ANKRD36C: variants seen among roughly 807,000 people sequenced by gnomAD.
ANKRD36C encodes ankyrin repeat domain 36C, also known as ankyrin repeat domain-containing protein 36C.
In ANKRD36C, 61 loss-of-function variants were observed where a neutral mutation model predicts 276.4. That is an observed-to-expected ratio of 0.22 (90% CI 0.18 to 0.27). ANKRD36C has a LOEUF of 0.27. Ranked by LOEUF, ANKRD36C falls within the 10% of genes least tolerant of loss-of-function variation. The probability of loss-of-function intolerance (pLI) is 1.00; values close to 1 mark genes in which losing one functional copy is unlikely to be tolerated. For missense variants in ANKRD36C, 1,447 were observed against 2,032.3 expected (o/e 0.71, Z 5.54); for synonymous variants, 483 against 680.1 (o/e 0.71, Z 4.51).
chr2:95,859,454 A>C (rs1306292763), intron 61 of ANKRD36C, among the ~76,000 whole-genome samples: 1 of 152,222 alleles, frequency 6.6e-6, no homozygotes, highest in Non-Finnish European at 1.5e-5. Context: ...AAAGATCTAA[A>C]ACAGATCTAA....
chr2:95,987,197 T>A (rs546854548), exon 2 of ANKRD36C: 2 of 1,546,906 alleles, frequency 1.3e-6, no homozygotes. Flanking sequence ...AGGCCAAATG[T>A]AGGGCGGTCC....
chr2:95,927,544 C>G, intron 26 of ANKRD36C, 135 bp from the exon 27 acceptor site: 2 of 1,405,370 alleles, frequency 1.4e-6, no homozygotes, highest in African/African-American at 2.9e-5. Flanking sequence ...TACTTTTTGT[C>G]TGGAGACTGG....
chr2:95,886,863 T>C (rs905127733), intron 50 of ANKRD36C, among the ~76,000 whole-genome samples: 34 of 151,680 alleles, frequency 2.2e-4, no homozygotes, highest in African/African-American at 8.2e-4. Flanking sequence ...TTGTATTCTC[T>C]AGTTTAGCCT....
At chr2:95,972,724 A>G in intron 6 of ANKRD36C, among the ~76,000 whole-genome samples, 1 of 152,236 alleles carries the variant, frequency 6.6e-6, no homozygotes, top group Non-Finnish European at 1.5e-5. Context: ...GTTCTCCTTA[A>G]CAGTTGCCTT....
intron 22 of ANKRD36C, among the ~76,000 whole-genome samples, chr2:95,938,428 T>C (rs1163966798): frequency 2.0e-5 from 3 of 151,354 alleles, no homozygotes; most frequent in African/African-American, 7.3e-5. Context: ...GTAACAACAC[T>C]GACATAAAGT....
At chr2:95,890,262 T>C (rs528160585) in intron 46 of ANKRD36C, among the ~76,000 whole-genome samples, 5 of 151,632 alleles carry the variant, frequency 3.3e-5, no homozygotes, top group African/African-American at 1.2e-4. Context: ...AATATCAATG[T>C]CGATATGCCG....
chr2:95,902,821 T>C, intron 42 of ANKRD36C, 65 bp downstream of exon 54: 1 of 1,488,416 alleles, frequency 6.7e-7, no homozygotes, highest in South Asian at 1.2e-5. Flanking sequence ...CGCTGATTTA[T>C]TCACGGAAGA....
chr2:95,983,002 T>C (rs1043227642), intron 3 of ANKRD36C, among the ~76,000 whole-genome samples: 1 of 151,710 alleles, frequency 6.6e-6, no homozygotes. Flanking sequence ...ATTTGAGAAA[T>C]GAGTTTCAGG....
At chr2:95,984,564 C>T (rs1474569786) in intron 3 of ANKRD36C, among the ~76,000 whole-genome samples, 1 of 152,140 alleles carries the variant, frequency 6.6e-6, no homozygotes, top group Non-Finnish European at 1.5e-5. Flanking sequence ...TAAAATACTT[C>T]CTTTCTTTAG....
At chr2:95,979,914 G>C (rs141644602) in intron 5 of ANKRD36C, among the ~76,000 whole-genome samples, 3,979 of 151,932 alleles carry the variant, frequency 0.026, 189 homozygotes, top group African/African-American at 0.092. Flanking sequence ...GAATATCCAG[G>C]TAACAGAGCA....
chr2:95,895,694 A>T, intron 44 of ANKRD36C, 104 bp from the exon 61 acceptor site: 1 of 1,535,196 alleles, frequency 6.5e-7, no homozygotes. Context: ...TGCCTGTATT[A>T]GTGGAGGCTT....
At chr2:95,949,093 T>G (rs1188589701) in intron 16 of ANKRD36C, among the ~76,000 whole-genome samples, 1 of 152,120 alleles carries the variant, frequency 6.6e-6, no homozygotes, top group African/African-American at 2.4e-5. Flanking sequence ...TCTTAGATCT[T>G]CAGCATGTAA....
intron 36 of ANKRD36C, 118 bp downstream of exon 38, chr2:95,917,737 G>A (rs1237048570): frequency 9.9e-6 from 13 of 1,307,172 alleles, no homozygotes; most frequent in East Asian, 2.5e-5. Flanking sequence ...AGGACTGCTG[G>A]ATCAGAATGT....
At chr2:95,956,873 T>C in intron 12 of ANKRD36C, 57 bp from the exon 13 acceptor site, 1 of 1,448,614 alleles carries the variant, frequency 6.9e-7, no homozygotes, top group Non-Finnish European at 9.3e-7. Context: ...TATAAAATAT[T>C]AAAAACATAA....
intron 42 of ANKRD36C, among the ~76,000 whole-genome samples, chr2:95,902,242 A>G (rs1406934623): frequency 6.7e-6 from 1 of 149,290 alleles, no homozygotes; most frequent in Non-Finnish European, 1.5e-5. Context: ...GTAATGAGTC[A>G]GTGTGGTGGT....
At chr2:95,893,297 G>T (rs1213908358) in intron 44 of ANKRD36C, among the ~76,000 whole-genome samples, 3 of 150,968 alleles carry the variant, frequency 2.0e-5, no homozygotes, top group African/African-American at 7.3e-5. Flanking sequence ...GTCTTCAACT[G>T]CTCTCCATAT....
chr2:95,962,180 T>C (rs1177785364), intron 8 of ANKRD36C, among the ~76,000 whole-genome samples, 172 bp downstream of exon 8: 4 of 152,062 alleles, frequency 2.6e-5, no homozygotes, highest in Non-Finnish European at 5.9e-5. Flanking sequence ...ACTCAGATCA[T>C]GGCCAAGGAC....
chr2:95,892,699 G>C (rs1234502312), intron 44 of ANKRD36C, among the ~76,000 whole-genome samples: 1 of 151,254 alleles, frequency 6.6e-6, no homozygotes, highest in Admixed American at 6.6e-5. Context: ...CATAATTTTT[G>C]TTTCTAAAAT....
chr2:95,955,405 T>C (rs1304979296), intron 13 of ANKRD36C, among the ~76,000 whole-genome samples: 2 of 152,198 alleles, frequency 1.3e-5, no homozygotes, highest in African/African-American at 2.4e-5. Flanking sequence ...TATTCTAATA[T>C]GCCTTTCTTG....
Sources: allele counts gnomAD v4.1 joint callset (sites outside exome capture counted in the v4.1 genomes callset), GRCh38; gene constraint gnomAD v4.1.1; transcripts MANE v1.5; gene names NCBI Gene and HGNC (gene_info 2026-07-23, HGNC 2026-07-21).